The following PNPLA8 variants were observed in gnomAD, a reference collection of about 807,000 sequenced individuals.
PNPLA8 encodes the protein calcium-independent phospholipase A2-gamma.
PNPLA8 carries 39 observed loss-of-function variants against 76.9 expected under a neutral mutation model. That is an observed-to-expected ratio of 0.51 (90% CI 0.39 to 0.66). The LOEUF (loss-of-function observed/expected upper bound fraction) is 0.66, where lower values mean the gene tolerates loss of function less well. Ranked by LOEUF, PNPLA8 falls within the 30% of genes least tolerant of loss-of-function variation. The pLI is 0.00. For synonymous variants in PNPLA8, 301 were observed against 307.9 expected (o/e 0.98, Z 0.24); for missense variants, 887 against 918.0 (o/e 0.97, Z 0.44).
At chr7:108,488,811 T>C (rs762216113) in intron 8 of PNPLA8, among the ~76,000 whole-genome samples, 2 of 152,208 alleles carry the variant, frequency 1.3e-5, no homozygotes, top group Non-Finnish European at 2.9e-5. Flanking sequence ...GTCAGTTAAA[T>C]TTACATGAAA....
chr7:108,482,933 T>C (rs965077905), intron 9 of PNPLA8, among the ~76,000 whole-genome samples: 1 of 152,236 alleles, frequency 6.6e-6, no homozygotes, highest in African/African-American at 2.4e-5. Context: ...TGTAGGATTT[T>C]GCCCTACTAA....
At chr7:108,478,044 T>C (rs915969156) in intron 10 of PNPLA8, among the ~76,000 whole-genome samples, 1 of 152,156 alleles carries the variant, frequency 6.6e-6, no homozygotes, top group East Asian at 1.9e-4. Flanking sequence ...AACAATCAAA[T>C]ATGTAATATA....
chr7:108,491,806 T>C (rs542826159), intron 7 of PNPLA8, among the ~76,000 whole-genome samples: 1 of 152,164 alleles, frequency 6.6e-6, no homozygotes, highest in Admixed American at 6.5e-5. Flanking sequence ...ATATACAGAT[T>C]AAAGGCACAA....
upstream of PNPLA8, chr7:108,527,645 G>A (rs927013684): frequency 6.6e-6 from 1 of 152,092 alleles, no homozygotes; most frequent in Admixed American, 6.5e-5. Flanking sequence ...CAGACTGAGG[G>A]GTCAGTTCAT....
At chr7:108,520,298 G>A (rs1863645151) in intron 2 of PNPLA8, among the ~76,000 whole-genome samples, 1 of 152,160 alleles carries the variant, frequency 6.6e-6, no homozygotes, top group South Asian at 2.1e-4. Context: ...CAGCCCCAAT[G>A]ACACAAAAAC....
intron 4 of PNPLA8, among the ~76,000 whole-genome samples, chr7:108,511,536 G>C (rs1217107152): frequency 6.6e-6 from 1 of 152,182 alleles, no homozygotes; most frequent in Non-Finnish European, 1.5e-5. Context: ...AAATAACACT[G>C]AGAAGGAAGA....
chr7:108,504,229 A>G (rs199667179), intron 4 of PNPLA8, among the ~76,000 whole-genome samples: 2 of 152,358 alleles, frequency 1.3e-5, no homozygotes, highest in East Asian at 3.9e-4. Context: ...GAGCTTATGC[A>G]ATTTTTTAAA....
intron 8 of PNPLA8, 54 bp from the exon 9 acceptor site, chr7:108,488,007 C>G: frequency 2.7e-6 from 3 of 1,093,246 alleles, no homozygotes; most frequent in Non-Finnish European, 4.1e-6. Context: ...TATTTGGGAT[C>G]TGTAAAAATT....
intron 7 of PNPLA8, among the ~76,000 whole-genome samples, chr7:108,494,022 A>T (rs1165815459): frequency 3.9e-5 from 6 of 152,184 alleles, no homozygotes; most frequent in African/African-American, 1.4e-4. Flanking sequence ...TGATGTTTCA[A>T]ATCAGTTAAA....
intron 10 of PNPLA8, among the ~76,000 whole-genome samples, chr7:108,475,012 C>T (rs2154514637): frequency 6.6e-6 from 1 of 152,288 alleles, no homozygotes; most frequent in East Asian, 1.9e-4. Context: ...GCTTGCATTA[C>T]TGCCTCAGCT....
chr7:108,507,221 T>C (rs1862506698), intron 4 of PNPLA8, among the ~76,000 whole-genome samples: 1 of 151,298 alleles, frequency 6.6e-6, no homozygotes, highest in East Asian at 1.9e-4. Context: ...CGGGCGCCTG[T>C]AGTCCCAGCT....
intron 7 of PNPLA8, 135 bp downstream of exon 7, chr7:108,496,448 CA>C: frequency 3.6e-6 from 2 of 558,836 alleles, no homozygotes; most frequent in Non-Finnish European, 5.9e-6. Context: ...TCTAATTAGT[CA>C]AATAATTTAA....
intron 4 of PNPLA8, among the ~76,000 whole-genome samples, chr7:108,507,089 T>G (rs912982882): frequency 2.0e-5 from 3 of 151,986 alleles, no homozygotes; most frequent in African/African-American, 7.2e-5. Context: ...ACGCCTGTAA[T>G]CCCAGCACTT....
rs1864056250 is a variant in PNPLA8 at position 108,526,029 on chromosome 7, C to A, written c.-130G>T. On this transcript the variant is annotated splice_region_variant and 5_prime_UTR_variant, in exon 1 of 11. Transcript: ENST00000257694. Reference sequence around the variant, plus strand: ...CCCCTGTCCCCTCGCGGCTACTTACCGGGATGCAGGCCGCAGTCACTAGGG... The same window carrying A: ...CCCCTGTCCCCTCGCGGCTACTTACAGGGATGCAGGCCGCAGTCACTAGGG... 2 of 985,060 alleles carry A rather than the reference C, an allele frequency of 2.0e-6. No homozygotes were observed. The highest frequency in any genetic ancestry group is 2.4e-6 in the Non-Finnish European group (2 of 829,606). 61.0% of individuals were successfully genotyped at this position (985,060 alleles called of 1,614,324 possible).
intron 7 of PNPLA8, among the ~76,000 whole-genome samples, chr7:108,494,776 T>C (rs897694200): frequency 1.3e-5 from 2 of 152,134 alleles, no homozygotes; most frequent in Admixed American, 1.3e-4. Context: ...TTAAAAATCA[T>C]TAAAGGAAAA....
At chr7:108,477,612 C>T (rs1221265558) in intron 10 of PNPLA8, among the ~76,000 whole-genome samples, 2 of 152,114 alleles carry the variant, frequency 1.3e-5, no homozygotes, top group Non-Finnish European at 2.9e-5. Flanking sequence ...GTAATCCTAG[C>T]ACTTCAGGAG....
chr7:108,488,521 G>A (rs534605948), intron 8 of PNPLA8, among the ~76,000 whole-genome samples: 1 of 152,114 alleles, frequency 6.6e-6, no homozygotes, highest in African/African-American at 2.4e-5. Flanking sequence ...GGAGTGAGCC[G>A]AGATCACGTC....
intron 5 of PNPLA8, among the ~76,000 whole-genome samples, 193 bp from the exon 6 acceptor site, chr7:108,497,770 G>C (rs1861649967): frequency 6.8e-6 from 1 of 147,634 alleles, no homozygotes; most frequent in South Asian, 2.1e-4. Context: ...ATATCTAAAT[G>C]ATAAAAAAAC....
At chr7:108,501,658 A>T (rs956888081) in intron 5 of PNPLA8, among the ~76,000 whole-genome samples, 9 of 152,136 alleles carry the variant, frequency 5.9e-5, no homozygotes, top group Admixed American at 5.2e-4. Context: ...TCCCGTCTCT[A>T]CTTACAACAC....
Sources: allele counts gnomAD v4.1 joint callset (sites outside exome capture counted in the v4.1 genomes callset), GRCh38; gene constraint gnomAD v4.1.1; transcripts MANE v1.5; gene names NCBI Gene and HGNC (gene_info 2026-07-23, HGNC 2026-07-21).